Variants in LNPK observed in about 807,000 individuals in gnomAD.
The protein encoded by LNPK is endoplasmic reticulum junction formation protein lunapark.
LNPK carries 29 observed loss-of-function variants against 55.2 expected under a neutral mutation model. The observed-to-expected ratio is 0.53, with a 90% confidence interval of 0.39 to 0.72. LNPK has a LOEUF of 0.72. Among genes scored for constraint, LNPK ranks in the 30% least tolerant of loss-of-function variants. LNPK has a pLI of 0.00. For missense variants in LNPK, 467 were observed against 494.8 expected (o/e 0.94, Z 0.53); for synonymous variants, 162 against 168.2 (o/e 0.96, Z 0.29).
chr2:175,987,748 C>T (rs1016165722), intron 4 of LNPK, among the ~76,000 whole-genome samples: 1 of 151,762 alleles, frequency 6.6e-6, no homozygotes, highest in African/African-American at 2.4e-5. Flanking sequence ...TCACATTCAT[C>T]AAAGCATTTG....
intron 2 of LNPK, among the ~76,000 whole-genome samples, chr2:175,995,234 T>C (rs1168101333): frequency 2.0e-5 from 3 of 152,080 alleles, no homozygotes; most frequent in Non-Finnish European, 4.4e-5. Flanking sequence ...ATACTTACTT[T>C]CAACTACCTT....
At chr2:175,982,134 C>A (rs1246903590) in intron 4 of LNPK, among the ~76,000 whole-genome samples, 1 of 152,034 alleles carries the variant, frequency 6.6e-6, no homozygotes, top group Non-Finnish European at 1.5e-5. Context: ...CTCAAGGATT[C>A]CGCAATAATA....
At chr2:175,938,240 C>T (rs1027417325) in intron 11 of LNPK, 73 bp downstream of exon 11, 7 of 908,806 alleles carry the variant, frequency 7.7e-6, no homozygotes, top group African/African-American at 6.7e-5. Context: ...TAAAATGACA[C>T]TGCATAGAAA....
intron 8 of LNPK, among the ~76,000 whole-genome samples, chr2:175,949,456 C>G: frequency 6.6e-6 from 1 of 152,080 alleles, no homozygotes; most frequent in Admixed American, 6.6e-5. Flanking sequence ...ATTTTTCAGC[C>G]AACTTTCAGG....
Position 175,937,431 on chromosome 2 carries a change from C to G in LNPK, c.967G>C (p.Glu323Gln). Residue 323 changes from glutamate to glutamine, a missense_variant, in exon 12 of 13, where the codon GAG (glutamate) becomes CAG (glutamine). By Grantham distance (29) the Glu-to-Gln change is conservative. Coordinates refer to ENST00000272748, the MANE Select transcript of LNPK (RefSeq NM_030650.3). ...QAPRLPEFSF[E>Q]KRQVVEGSSS... ...GAACCTTCCACCACCTGCCTCTTCTCAAAACTAAACTCAGGAAGTCTTGGA... is the reference window on the plus strand; with the variant it reads ...GAACCTTCCACCACCTGCCTCTTCTGAAAACTAAACTCAGGAAGTCTTGGA... The G allele has an allele frequency of 6.2e-7, 1 of 1,613,750 alleles. No homozygotes were observed. Among genetic ancestry groups the G allele is most frequent in the Non-Finnish European group, 8.5e-7 (1 of 1,179,772 alleles).
intron 5 of LNPK, among the ~76,000 whole-genome samples, chr2:175,976,441 G>A (rs895155826): frequency 2.6e-5 from 4 of 152,182 alleles, no homozygotes; most frequent in African/African-American, 7.2e-5. Flanking sequence ...ATGGTTAATC[G>A]TATATGTCAA....
At chr2:175,957,280 C>T (rs1448529296) in intron 8 of LNPK, among the ~76,000 whole-genome samples, 4 of 151,952 alleles carry the variant, frequency 2.6e-5, no homozygotes, top group Admixed American at 1.3e-4. Context: ...ATCACTTGAA[C>T]CTTGGAGGCA....
At chr2:175,956,904 C>G in intron 8 of LNPK, among the ~76,000 whole-genome samples, 1 of 152,178 alleles carries the variant, frequency 6.6e-6, no homozygotes, top group African/African-American at 2.4e-5. Context: ...GGCACCTACA[C>G]GGGTGACTGT....
intron 4 of LNPK, among the ~76,000 whole-genome samples, chr2:175,991,248 C>T (rs1016658946): frequency 6.6e-6 from 1 of 152,090 alleles, no homozygotes; most frequent in African/African-American, 2.4e-5. Context: ...TTTCTTTCCT[C>T]TCCTCTTATG....
chr2:175,944,295 T>C (rs950352586), intron 9 of LNPK, among the ~76,000 whole-genome samples: 6 of 152,092 alleles, frequency 3.9e-5, no homozygotes, highest in Admixed American at 3.9e-4. Context: ...AAGAGAAATA[T>C]ACTGTGTTCA....
At chr2:175,987,324 C>T (rs570812184) in intron 4 of LNPK, among the ~76,000 whole-genome samples, 12 of 152,230 alleles carry the variant, frequency 7.9e-5, no homozygotes, top group Admixed American at 5.9e-4. Context: ...ACATATACAC[C>T]ACGGAATACT....
chr2:175,945,380 C>G (rs1469231869), intron 9 of LNPK, among the ~76,000 whole-genome samples: 1 of 151,536 alleles, frequency 6.6e-6, no homozygotes, highest in Non-Finnish European at 1.5e-5. Flanking sequence ...TGGTGCCCAC[C>G]TGTAATCCCA....
At position 175,929,429 on chromosome 2, in the gene LNPK, G is replaced by A; in HGVS notation, c.*538C>T. 1 of 985,772 alleles carries A rather than the reference G, an allele frequency of 1.0e-6. No individual in the cohort carries two copies. The highest frequency in any genetic ancestry group is 1.2e-6 in the Non-Finnish European group (1 of 829,894). The allele number at this position is 985,772 out of a possible 1,614,324, so 61.1% of individuals were successfully genotyped here. A position where few individuals can be genotyped will look rare whatever the true frequency, so the allele number is the denominator to read the frequency against. On this transcript the variant is annotated 3_prime_UTR_variant, in exon 13 of 13. Transcript: ENST00000272748. ...TTAACTGTTCCACTGCATTCTTATT[G>A]AGAATTCGTACCAGTGCCTATGTGG...
intron 6 of LNPK, chr2:175,967,614 T>C (rs781485585): frequency 2.2e-4 from 212 of 981,490 alleles, no homozygotes; most frequent in Non-Finnish European, 2.4e-4. Context: ...TTAGGGAGCA[T>C]GTTATACCAT....
In LNPK at chr2:175,992,437, T is replaced by C. The variant is rs752404532; in HGVS notation, c.70-19A>G. 2.9e-6 allele frequency: 4 copies of C among 1,389,354 alleles called. No individual in the cohort carries two copies. Among genetic ancestry groups the C allele is most frequent in the Non-Finnish European group, 3.9e-6 (4 of 1,034,596 alleles). 86.1% of individuals were successfully genotyped at this position (1,389,354 alleles called of 1,614,324 possible). ...GAATTTCCTGTTAAGAGAAAATTAT[T>C]CCATGTTAGTAAATTTCAAACTTCA... On this transcript the variant is annotated intron_variant, in intron 3 of 12. Coordinates refer to ENST00000272748, the MANE Select transcript of LNPK (RefSeq NM_030650.3).
chr2:175,969,902 C>T (rs1223507727), intron 6 of LNPK, among the ~76,000 whole-genome samples: 3 of 152,064 alleles, frequency 2.0e-5, no homozygotes, highest in Non-Finnish European at 4.4e-5. Flanking sequence ...GCCCTTAAAA[C>T]CAGTATCTAT....
chr2:175,989,321 A>C lies in LNPK; in HGVS notation c.257+2910T>G, dbSNP rs139067342. Among the ~76,000 whole-genome samples, 954 of 152,292 alleles carry C rather than the reference A, an allele frequency of 6.3e-3. 13 individuals carry two copies. The highest frequency in any genetic ancestry group is 0.022 in the African/African-American group (912 of 41,556). The stretch of plus-strand genomic sequence containing the variant: ...CCACTTTCCTCAATTCCCTTGCTTA[A>C]ATTTCTTCCCCAACAACCCCATTTT... On this transcript the variant is annotated intron_variant, in intron 4 of 12. Transcript: ENST00000272748.
chr2:175,930,893 T>C (rs994899534), intron 12 of LNPK, among the ~76,000 whole-genome samples: 6 of 152,174 alleles, frequency 3.9e-5, no homozygotes, highest in Admixed American at 2.0e-4. Context: ...CCCATCTCCA[T>C]AGCAGAAGTT....
chr2:175,969,873 T>C (rs1385007331), intron 6 of LNPK, among the ~76,000 whole-genome samples: 1 of 152,224 alleles, frequency 6.6e-6, no homozygotes, highest in African/African-American at 2.4e-5. Context: ...AAAGTTCTCT[T>C]ACTTTTCAGG....
Sources: allele counts gnomAD v4.1 joint callset (sites outside exome capture counted in the v4.1 genomes callset), GRCh38; gene constraint gnomAD v4.1.1; transcripts MANE v1.5; gene names NCBI Gene and HGNC (gene_info 2026-07-23, HGNC 2026-07-21).